SDK1: variants seen among roughly 807,000 people sequenced by gnomAD.
The protein encoded by SDK1 is protein sidekick-1.
In SDK1, 157 loss-of-function variants were observed where a neutral mutation model predicts 245.5. The ratio of observed to expected loss-of-function variants is 0.64; its 90% CI spans 0.56 to 0.73. The LOEUF (loss-of-function observed/expected upper bound fraction) is 0.73. SDK1 is among the 30% of genes least tolerant of loss of function. The pLI is 0.00. For missense variants in SDK1, 3,583 were observed against 3,002.3 expected (o/e 1.19, Z -4.52); for synonymous variants, 1,647 against 1,278.5 (o/e 1.29, Z -6.15).
chr7:4,157,605 T>A (rs1479474569), intron 30 of SDK1, among the ~76,000 whole-genome samples: 2 of 151,948 alleles, frequency 1.3e-5, no homozygotes, highest in African/African-American at 4.8e-5. Context: ...AAAACATGAG[T>A]CCCGTTAAAA....
chr7:3,303,005 C>T (rs1779319623), intron 1 of SDK1, among the ~76,000 whole-genome samples: 1 of 151,808 alleles, frequency 6.6e-6, no homozygotes, highest in Non-Finnish European at 1.5e-5. Context: ...AGCTTAACAA[C>T]GAACTCATAC....
At chr7:3,598,692 A>T (rs1039490467) in intron 1 of SDK1, among the ~76,000 whole-genome samples, 3 of 152,184 alleles carry the variant, frequency 2.0e-5, no homozygotes, top group African/African-American at 7.2e-5. Context: ...CAAGAATATT[A>T]TATAAAAGGA....
At chr7:3,571,526 A>G (rs1336282683) in intron 1 of SDK1, among the ~76,000 whole-genome samples, 1 of 151,920 alleles carries the variant, frequency 6.6e-6, no homozygotes, top group Non-Finnish European at 1.5e-5. Context: ...GCTGGTCTTA[A>G]ACTCCTGAGC....
chr7:3,997,498 C>G (rs901886422), intron 14 of SDK1, among the ~76,000 whole-genome samples: 4 of 151,904 alleles, frequency 2.6e-5, no homozygotes, highest in African/African-American at 9.7e-5. Context: ...ATAGTAGCTT[C>G]TCTCTGCGGC....
chr7:3,368,272 G>T (rs1031740653), intron 1 of SDK1, among the ~76,000 whole-genome samples: 1 of 152,140 alleles, frequency 6.6e-6, no homozygotes, highest in Non-Finnish European at 1.5e-5. Flanking sequence ...AAGCTTCTCC[G>T]TTCCCCAGAC....
In SDK1 at chr7:4,267,498, C is replaced by T. The variant is rs1479234493; in HGVS notation, c.*2114C>T. ...GACAGTGCCACCTCCTTCCCCTCGG[C>T]CCCGGAGAGGGCGAAGTGGGCGGGA... On this transcript the variant is annotated 3_prime_UTR_variant, in exon 45 of 45. Transcript: ENST00000404826. The T allele has an allele frequency of 2.0e-6, 2 of 985,314 alleles. No homozygotes were observed. Among genetic ancestry groups the T allele is most frequent in the African/African-American group, 3.5e-5 (2 of 57,230 alleles). The allele number at this position is 985,314 out of a possible 1,614,324, so 61.0% of individuals were successfully genotyped here.
intron 5 of SDK1, among the ~76,000 whole-genome samples, chr7:3,945,133 A>AGTCTACTTGTAACCC (rs1347329166): frequency 6.6e-6 from 1 of 152,212 alleles, no homozygotes; most frequent in Non-Finnish European, 1.5e-5. Flanking sequence ...CAACAAAAAC[A>AGTCTACTTGTAACCC]GTCTACTTGT....
chr7:3,521,291 A>G (rs542621764), intron 1 of SDK1, among the ~76,000 whole-genome samples: 7 of 152,328 alleles, frequency 4.6e-5, no homozygotes, highest in Admixed American at 1.3e-4. Context: ...GGGCCAGCCA[A>G]GTAATCCAGA....
chr7:3,701,366 A>T (rs1784734935), intron 4 of SDK1, among the ~76,000 whole-genome samples: 2 of 152,192 alleles, frequency 1.3e-5, no homozygotes, highest in African/African-American at 4.8e-5. Flanking sequence ...ATAAAAAGTG[A>T]ATTTTTCCCA....
intron 1 of SDK1, among the ~76,000 whole-genome samples, chr7:3,429,639 C>T (rs183995087): frequency 5.2e-4 from 79 of 151,684 alleles, no homozygotes; most frequent in Non-Finnish European, 8.4e-4. Context: ...CTCTATCACC[C>T]AGGCTGTAGT....
intron 4 of SDK1, among the ~76,000 whole-genome samples, chr7:3,728,466 A>G (rs956520544): frequency 2.0e-5 from 3 of 152,210 alleles, no homozygotes; most frequent in Non-Finnish European, 4.4e-5. Flanking sequence ...TGATTCCATC[A>G]CATCTCACAA....
At chr7:4,191,624 A>C (rs1277991666) in intron 35 of SDK1, among the ~76,000 whole-genome samples, 5 of 152,236 alleles carry the variant, frequency 3.3e-5, no homozygotes, top group Non-Finnish European at 7.3e-5. Context: ...TGCTCCCCCG[A>C]AGCGTGAGCC....
intron 1 of SDK1, among the ~76,000 whole-genome samples, chr7:3,342,824 A>G (rs1005116534): frequency 1.3e-5 from 2 of 152,358 alleles, no homozygotes; most frequent in South Asian, 4.1e-4. Context: ...AAGAACTTTC[A>G]AAATTCAATA....
chr7:4,174,350 G>C lies in SDK1; in HGVS notation c.4929G>C (p.Glu1643Asp). 6.2e-7 allele frequency: 1 copy of C among 1,613,790 alleles called. No individual in the cohort carries two copies. Among genetic ancestry groups the C allele is most frequent in the Non-Finnish European group, 8.5e-7 (1 of 1,179,730 alleles). Residue 1643 changes from glutamate (E) to aspartate (D), a missense_variant, in exon 33 of 45, where the codon GAG (glutamate) becomes GAC (aspartate). By Grantham distance (45) the Glu-to-Asp change is conservative. Transcript: ENST00000404826. Reference sequence around the variant, plus strand: ...AAAACCCTATAGCTTTACATGCTGAGCTCACAGGTGAGACTGTCCCCTCTG... The same window carrying C: ...AAAACCCTATAGCTTTACATGCTGACCTCACAGGTGAGACTGTCCCCTCTG... ...TLKNPIALHA[E>D]LTAQSSFKTV...
intron 1 of SDK1, among the ~76,000 whole-genome samples, chr7:3,308,780 A>T (rs186850962): frequency 6.6e-6 from 1 of 152,064 alleles, no homozygotes; most frequent in South Asian, 2.1e-4. Flanking sequence ...TCTCCTTTCT[A>T]TAACTCTCCA....
chr7:3,537,078 C>T (rs1431575872), intron 1 of SDK1, among the ~76,000 whole-genome samples: 1 of 152,146 alleles, frequency 6.6e-6, no homozygotes, highest in Non-Finnish European at 1.5e-5. Flanking sequence ...AAATATAAAA[C>T]ATTCCAGTAA....
chr7:4,209,335 A>ACCAG (rs1784395200), intron 37 of SDK1, among the ~76,000 whole-genome samples: 1 of 152,172 alleles, frequency 6.6e-6, no homozygotes, highest in Non-Finnish European at 1.5e-5. Context: ...AGCGAGGGGC[A>ACCAG]CCAGGGCGAG....
chr7:3,585,464 A>G (rs1185748687), intron 1 of SDK1, among the ~76,000 whole-genome samples: 3 of 152,226 alleles, frequency 2.0e-5, no homozygotes, highest in Non-Finnish European at 2.9e-5. Context: ...AGATGACAAC[A>G]TTAAGCATGG....
At chr7:3,654,453 TG>T (rs1216659412) in intron 4 of SDK1, among the ~76,000 whole-genome samples, 2 of 152,182 alleles carry the variant, frequency 1.3e-5, no homozygotes, top group African/African-American at 4.8e-5. Flanking sequence ...GAGGATTTCG[TG>T]TTTTCTTTCA....
Sources: gnomAD v4.1 joint callset for allele counts (sites outside exome capture counted in the v4.1 genomes callset) on GRCh38, gnomAD v4.1.1 for gene constraint, MANE v1.5 for transcripts, NCBI Gene and HGNC (gene_info 2026-07-23, HGNC 2026-07-21) for gene names.